Variants in FBXO48 observed in about 807,000 individuals in gnomAD.
FBXO48 encodes F-box only protein 48.
A neutral mutation model predicts 14.3 loss-of-function variants in FBXO48; 12 were observed. The observed-to-expected ratio is 0.84, with a 90% confidence interval of 0.54 to 1.36. FBXO48 has a LOEUF of 1.36. Ranked by LOEUF, FBXO48 falls within the 40% of genes most tolerant of loss-of-function variation. The probability of loss-of-function intolerance (pLI) is 0.00; values close to 1 mark genes in which losing one functional copy is unlikely to be tolerated. For synonymous variants in FBXO48, 53 were observed against 61.7 expected, an observed-to-expected ratio of 0.86 and a Z score of 0.66; for missense variants, 177 against 179.1, an observed-to-expected ratio of 0.99 and a Z score of 0.07.
chr2:68,459,848 C>T lies in FBXO48; in HGVS notation c.*4361G>A, dbSNP rs1020293299. 15 of 152,070 alleles carry T rather than the reference C, an allele frequency of 9.9e-5. No homozygotes were observed. The highest frequency in any genetic ancestry group is 8.5e-4 in the Admixed American group (13 of 15,260). 9.4% of individuals were successfully genotyped at this position (152,070 alleles called of 1,614,324 possible). A position where few individuals can be genotyped will look rare whatever the true frequency, so the allele number is the denominator to read the frequency against. On this transcript the variant is annotated 3_prime_UTR_variant, in exon 4 of 4. Transcript: ENST00000377957. ...AGGTCTATACAAAGAACTACAAGAA[C>T]ATCTAAAAAGTCACTTAATCCAGAA...
rs1232176352 is a variant in FBXO48, at chr2:68,464,036, A to G, written c.*173T>C. On this transcript the variant is annotated 3_prime_UTR_variant, in exon 4 of 4. Transcript: ENST00000377957. ...TCCACATTACAATAAAACCAGAAAAATTTTACTAAAGTGCAAAACAAAAAT... is the reference window on the plus strand; with the variant it reads ...TCCACATTACAATAAAACCAGAAAAGTTTTACTAAAGTGCAAAACAAAAAT... 5.3e-6 allele frequency: 3 copies of G among 571,336 alleles called. No homozygotes were observed. Among genetic ancestry groups the G allele is most frequent in the African/African-American group, 3.7e-5 (2 of 53,824 alleles). The allele number at this position is 571,336 out of a possible 1,614,324, so 35.4% of individuals were successfully genotyped here.
At position 68,464,389 on chromosome 2, in the gene FBXO48, C is replaced by T. The variant is rs377702943; in HGVS notation, c.307-19G>A. 6.5e-5 allele frequency: 105 copies of T among 1,610,466 alleles called. No homozygotes were observed. The highest frequency in any genetic ancestry group is 2.0e-4 in the African/African-American group (15 of 74,740). On this transcript the variant is annotated intron_variant, in intron 3 of 3. Transcript: ENST00000377957. ...GTATCACCTGAAAGAGGTAAATCAC[C>T]GTTAAAAAAGACTGTAGTAGGTGGT... is the stretch of plus-strand genomic sequence containing the variant.
At chr2:68,464,801 G>A (rs145911210) in intron 3 of FBXO48, 39 bp downstream of exon 3, 5 of 1,478,222 alleles carry the variant, frequency 3.4e-6, no homozygotes, top group African/African-American at 2.8e-5. Flanking sequence ...CTATCATAAC[G>A]CTGTCAACAA....
At chr2:68,467,070 C>T (rs1443233003) in intron 1 of FBXO48, 141 bp downstream of exon 1, 1 of 152,266 alleles carries the variant, frequency 6.6e-6, no homozygotes, top group Non-Finnish European at 1.5e-5. Context: ...GAACACAGGG[C>T]ACTGACAAGT....
chr2:68,464,491 G>T, intron 3 of FBXO48, 121 bp from the exon 4 acceptor site: 1 of 778,902 alleles, frequency 1.3e-6, no homozygotes, highest in East Asian at 2.6e-5. Context: ...TTATATATAC[G>T]TACATTAATA....
chr2:68,465,146 A>G lies in FBXO48; in HGVS notation c.-1T>C. 1 of 1,595,858 alleles carries G rather than the reference A, an allele frequency of 6.3e-7. No individual in the cohort carries two copies. Among genetic ancestry groups the G allele is most frequent in the South Asian group, 1.1e-5 (1 of 89,780 alleles). Reference sequence around the variant, plus strand: ...TGTTTCTCTTGGAGTTTTTATGCATAGCTTAATGTTTTAAGTTATCCTCAT... The same window carrying G: ...TGTTTCTCTTGGAGTTTTTATGCATGGCTTAATGTTTTAAGTTATCCTCAT... On this transcript the variant is annotated 5_prime_UTR_variant, in exon 3 of 4. Transcript: ENST00000377957.
At chr2:68,465,831 A>C (rs752238401) in intron 2 of FBXO48, among the ~76,000 whole-genome samples, 3 of 152,222 alleles carry the variant, frequency 2.0e-5, no homozygotes, top group Non-Finnish European at 2.9e-5. Flanking sequence ...TTGTTTATAT[A>C]AGAATTTTAT....
At chr2:68,467,033 G>C (rs1675436466) in intron 1 of FBXO48, among the ~76,000 whole-genome samples, 178 bp downstream of exon 1, 1 of 152,110 alleles carries the variant, frequency 6.6e-6, no homozygotes, top group Admixed American at 6.5e-5. Flanking sequence ...CTTGTGTCCC[G>C]CGCGGGTTGC....
At position 68,462,929 on chromosome 2, in the gene FBXO48, G is replaced by A. The variant is rs564369817; in HGVS notation, c.*1280C>T. 6.6e-6 allele frequency: 1 copy of A among 152,346 alleles called. No homozygotes were observed. The highest frequency in any genetic ancestry group is 2.4e-5 in the African/African-American group (1 of 41,586). 9.4% of individuals were successfully genotyped at this position (152,346 alleles called of 1,614,324 possible). A position where few individuals can be genotyped will look rare whatever the true frequency, so the allele number is the denominator to read the frequency against. ...CTGTGACATAACAGAGATGCTATTA[G>A]TAGAAGTACAGGATTTCAGCTTGGG... is the stretch of plus-strand genomic sequence containing the variant. On this transcript the variant is annotated 3_prime_UTR_variant, in exon 4 of 4. Coordinates refer to ENST00000377957, the MANE Select transcript of FBXO48 (RefSeq NM_001024680.3).
Position 68,461,669 on chromosome 2 carries a change from T to A in FBXO48, c.*2540A>T, listed in dbSNP as rs907355951. On this transcript the variant is annotated 3_prime_UTR_variant, in exon 4 of 4. Transcript: ENST00000377957. ...GAAAGGGCTTCTTTCTTCCAACTTATGAAAAGGGGGGATTGGGTCATGTTT... is the reference window on the plus strand; with the variant it reads ...GAAAGGGCTTCTTTCTTCCAACTTAAGAAAAGGGGGGATTGGGTCATGTTT... The A allele has an allele frequency of 6.7e-6, 1 of 150,136 alleles. No homozygotes were observed. The allele number at this position is 150,136 out of a possible 1,614,324, so 9.3% of individuals were successfully genotyped here.
At chr2:68,465,892 T>C (rs757970188) in intron 2 of FBXO48, among the ~76,000 whole-genome samples, 1 of 152,212 alleles carries the variant, frequency 6.6e-6, no homozygotes, top group Non-Finnish European at 1.5e-5. Context: ...ACAACTACTA[T>C]CTGAAATGGA....
In FBXO48 at chr2:68,465,105, G is replaced by T; in HGVS notation, c.41C>A (p.Ser14Tyr). ...NSKRNNNLRV[S>Y]HTEANSVDAE... ...ATCCACAGAGTTCGCTTCTGTGTGA[G>T]AAACTCTTAAATTATTGTTTCTCTT... is the stretch of plus-strand genomic sequence containing the variant. The change falls in exon 3 of 4, where the codon TCT (serine) becomes TAT (tyrosine). Residue 14 changes from serine to tyrosine, a missense_variant. By Grantham distance (144) the Ser-to-Tyr change is moderately radical. Transcript: ENST00000377957. 6.2e-7 allele frequency: 1 copy of T among 1,612,052 alleles called. No homozygotes were observed. The highest frequency in any genetic ancestry group is 8.5e-7 in the Non-Finnish European group (1 of 1,179,034).
Position 68,462,848 on chromosome 2 carries a change from G to C in FBXO48, c.*1361C>G, listed in dbSNP as rs1675302637. ...TAGAGGGTGGAAGTGGGGCTAGAAGGCAAACGTTACAGAGAGGTGGTCTTC... is the reference window on the plus strand; with the variant it reads ...TAGAGGGTGGAAGTGGGGCTAGAAGCCAAACGTTACAGAGAGGTGGTCTTC... On this transcript the variant is annotated 3_prime_UTR_variant, in exon 4 of 4. Coordinates refer to ENST00000377957, the MANE Select transcript of FBXO48 (RefSeq NM_001024680.3). 6.6e-6 allele frequency: 1 copy of C among 152,308 alleles called. No individual in the cohort carries two copies. Among genetic ancestry groups the C allele is most frequent in the African/African-American group, 2.4e-5 (1 of 41,460 alleles). The allele number at this position is 152,308 out of a possible 1,614,324, so 9.4% of individuals were successfully genotyped here.
In FBXO48 at chr2:68,462,084, CA is replaced by C. The variant is rs202236294; in HGVS notation, c.*2124del. 3.3e-5 allele frequency: 5 copies of C among 151,338 alleles called. No homozygotes were observed. Among genetic ancestry groups the C allele is most frequent in the Non-Finnish European group, 7.4e-5 (5 of 67,998 alleles). The allele number at this position is 151,338 out of a possible 1,614,324, so 9.4% of individuals were successfully genotyped here. A position where few individuals can be genotyped will look rare whatever the true frequency, so the allele number is the denominator to read the frequency against. On this transcript the variant is annotated 3_prime_UTR_variant, in exon 4 of 4. Transcript: ENST00000377957. ...ACAAAAAACTGCCCCCCACCCCGGC[CA>C]AAAAAAACCACACACTTGGTTGGAA... is the stretch of plus-strand genomic sequence containing the variant.
At position 68,460,167 on chromosome 2, in the gene FBXO48, A is replaced by T. The variant is rs1037009607; in HGVS notation, c.*4042T>A. On this transcript the variant is annotated 3_prime_UTR_variant, in exon 4 of 4. Transcript: ENST00000377957. ...CTGTATGCAGTCAGGAGTTTAAGTT[A>T]GGGTGACGTGCTAAATTTGGGGTTT... The T allele has an allele frequency of 6.6e-6, 1 of 152,182 alleles. No homozygotes were observed. Among genetic ancestry groups the T allele is most frequent in the Admixed American group, 6.6e-5 (1 of 15,264 alleles). The allele number at this position is 152,182 out of a possible 1,614,324, so 9.4% of individuals were successfully genotyped here. A position where few individuals can be genotyped will look rare whatever the true frequency, so the allele number is the denominator to read the frequency against.
rs1287709566 is a variant in FBXO48, at chr2:68,461,360, A to T, written c.*2849T>A. Reference sequence around the variant, plus strand: ...GCCGGACTGCGGACTGCAGTGGCGCAATCTCGGCTCACTGCAAGCTCCGCC... The same window carrying T: ...GCCGGACTGCGGACTGCAGTGGCGCTATCTCGGCTCACTGCAAGCTCCGCC... On this transcript the variant is annotated 3_prime_UTR_variant, in exon 4 of 4. Coordinates refer to ENST00000377957, the MANE Select transcript of FBXO48 (RefSeq NM_001024680.3). 1 of 140,032 alleles carries T rather than the reference A, an allele frequency of 7.1e-6. No individual in the cohort carries two copies. The highest frequency in any genetic ancestry group is 1.5e-5 in the Non-Finnish European group (1 of 66,716). The allele number at this position is 140,032 out of a possible 1,614,324, so 8.7% of individuals were successfully genotyped here.
Position 68,465,018 on chromosome 2 carries a change from G to C in FBXO48, c.128C>G (p.Thr43Ser), listed in dbSNP as rs773325029. Residue 43 changes from threonine to serine, a missense_variant, in exon 3 of 4, where the codon ACT (threonine) becomes AGT (serine). Coordinates refer to ENST00000377957, the MANE Select transcript of FBXO48 (RefSeq NM_001024680.3). ...NFFELLPAEI[T>S]FKIFSQLDIR... The stretch of plus-strand genomic sequence containing the variant: ...GTCCAGCTGACTGAAAATTTTAAAA[G>C]TGATTTCTGCAGGCAGCAGTTCAAA... The C allele has an allele frequency of 6.2e-7, 1 of 1,613,938 alleles. No homozygotes were observed. The highest frequency in any genetic ancestry group is 1.7e-5 in the Admixed American group (1 of 60,020).
chr2:68,465,358 G>A (rs544845454), intron 2 of FBXO48, among the ~76,000 whole-genome samples, 180 bp from the exon 3 acceptor site: 2 of 151,982 alleles, frequency 1.3e-5, no homozygotes, highest in East Asian at 1.9e-4. Flanking sequence ...GTGATAGTGG[G>A]TAAAATATCT....
In FBXO48 at chr2:68,461,283, TTTTC is replaced by T. The variant is rs1675255296; in HGVS notation, c.*2922_*2925del. The T allele has an allele frequency of 1.4e-5, 2 of 142,990 alleles. No homozygotes were observed. Among genetic ancestry groups the T allele is most frequent in the Admixed American group, 6.7e-5 (1 of 14,878 alleles). 8.9% of individuals were successfully genotyped at this position (142,990 alleles called of 1,614,324 possible). On this transcript the variant is annotated 3_prime_UTR_variant, in exon 4 of 4. Coordinates refer to ENST00000377957, the MANE Select transcript of FBXO48 (RefSeq NM_001024680.3). ...TTCTCTTACTTAAGATCCGTTTTCG[TTTTC>T]TTTTTTTTTTTTTTTTTTTTGAGAC...
Sources: gnomAD v4.1 joint callset for allele counts (sites outside exome capture counted in the v4.1 genomes callset) on GRCh38, gnomAD v4.1.1 for gene constraint, MANE v1.5 for transcripts, NCBI Gene and HGNC (gene_info 2026-07-23, HGNC 2026-07-21) for gene names.